Variants in TMEM117 observed in about 807,000 individuals in gnomAD.
TMEM117 encodes the protein transmembrane protein 117.
Under a neutral mutation model 52.4 loss-of-function variants are expected in TMEM117, and 27 were observed. The ratio of observed to expected loss-of-function variants is 0.51; its 90% CI spans 0.38 to 0.71. TMEM117 has a LOEUF of 0.71. Ranked by LOEUF, TMEM117 falls within the 30% of genes least tolerant of loss-of-function variation. The probability of loss-of-function intolerance (pLI) is 0.00; values close to 1 mark genes in which losing one functional copy is unlikely to be tolerated. For missense variants in TMEM117, 556 were observed against 630.5 expected, an observed-to-expected ratio of 0.88 and a Z score of 1.26; for synonymous variants, 215 against 206.3, an observed-to-expected ratio of 1.04 and a Z score of -0.36.
chr12:43,855,184 C>T (rs998672916), intron 2 of TMEM117, among the ~76,000 whole-genome samples: 1 of 152,054 alleles, frequency 6.6e-6, no homozygotes, highest in Admixed American at 6.6e-5. Context: ...AAATTAGTTA[C>T]AAAAATCAGA....
At chr12:43,812,431 T>G in the TMEM117 span, among the ~76,000 whole-genome samples, 1 of 152,224 alleles carries the variant, frequency 6.6e-6, no homozygotes, top group Non-Finnish European at 1.5e-5. Flanking sequence ...CTTTCTGTTC[T>G]TTCTCTTTAC....
downstream of TMEM117, among the ~76,000 whole-genome samples, chr12:44,393,736 C>CT (rs535240964): frequency 6.3e-4 from 96 of 152,262 alleles, no homozygotes; most frequent in African/African-American, 2.1e-3. Context: ...GCTCAAGAAT[C>CT]TAAGTCAAAT....
the TMEM117 span, among the ~76,000 whole-genome samples, chr12:43,802,088 T>C: frequency 3.3e-5 from 5 of 152,168 alleles, no homozygotes; most frequent in Admixed American, 1.3e-4. Context: ...TCAGTAATAA[T>C]TATTTTGATT....
At chr12:43,979,891 G>A (rs556167584) in intron 3 of TMEM117, among the ~76,000 whole-genome samples, 7 of 152,228 alleles carry the variant, frequency 4.6e-5, no homozygotes, top group Middle Eastern at 6.8e-3. Context: ...AACAGTGGCC[G>A]TTATTAGAAA....
intron 3 of TMEM117, among the ~76,000 whole-genome samples, chr12:43,996,739 A>G (rs993519345): frequency 2.6e-5 from 4 of 152,180 alleles, no homozygotes; most frequent in African/African-American, 9.7e-5. Flanking sequence ...TATGGTTACT[A>G]TAGGAGCAGC....
At chr12:44,227,946 T>G (rs995372047) in intron 5 of TMEM117, among the ~76,000 whole-genome samples, 1 of 152,148 alleles carries the variant, frequency 6.6e-6, no homozygotes. Flanking sequence ...AACTACTATT[T>G]TTATAGCTGA....
At chr12:44,345,035 A>G (rs563140093) in intron 6 of TMEM117, among the ~76,000 whole-genome samples, 1 of 152,134 alleles carries the variant, frequency 6.6e-6, no homozygotes, top group East Asian at 1.9e-4. Flanking sequence ...AGGGATTTCA[A>G]CTATCTGGGG....
chr12:43,889,179 T>A (rs957702659), intron 2 of TMEM117, among the ~76,000 whole-genome samples: 2 of 151,550 alleles, frequency 1.3e-5, no homozygotes, highest in Non-Finnish European at 2.9e-5. Context: ...GCCTCCCGGG[T>A]ACAAGCAATT....
intron 5 of TMEM117, among the ~76,000 whole-genome samples, chr12:44,282,506 T>C (rs1380256771): frequency 6.6e-6 from 1 of 152,220 alleles, no homozygotes; most frequent in African/African-American, 2.4e-5. Context: ...ACTCTTGTTA[T>C]GTTTTAGCAA....
chr12:44,167,909 A>G (rs1420445936), intron 4 of TMEM117, among the ~76,000 whole-genome samples: 1 of 152,096 alleles, frequency 6.6e-6, no homozygotes, highest in Non-Finnish European at 1.5e-5. Flanking sequence ...TGAAAATTCC[A>G]TATAGTTCTG....
chr12:44,225,124 A>T (rs114311106), intron 5 of TMEM117, among the ~76,000 whole-genome samples: 1 of 152,300 alleles, frequency 6.6e-6, no homozygotes, highest in African/African-American at 2.4e-5. Flanking sequence ...AATTTGGGGT[A>T]AAGAAAGGAA....
chr12:43,974,021 C>G (rs748958277), intron 3 of TMEM117, among the ~76,000 whole-genome samples: 1 of 152,150 alleles, frequency 6.6e-6, no homozygotes, highest in Non-Finnish European at 1.5e-5. Context: ...TTACTTGGCT[C>G]TTTCTGCAAA....
chr12:44,270,620 T>C (rs531088015), intron 5 of TMEM117, among the ~76,000 whole-genome samples: 45 of 152,278 alleles, frequency 3.0e-4, no homozygotes, highest in African/African-American at 1.1e-3. Flanking sequence ...TTCTCATGTC[T>C]GATTGCTCTG....
At chr12:43,848,090 G>T (rs886569126) in intron 2 of TMEM117, among the ~76,000 whole-genome samples, 1 of 152,006 alleles carries the variant, frequency 6.6e-6, no homozygotes, top group East Asian at 1.9e-4. Context: ...CACTGATAAG[G>T]GTCTAACAAA....
At chr12:43,849,468 G>T (rs1437442123) in intron 2 of TMEM117, among the ~76,000 whole-genome samples, 1 of 152,146 alleles carries the variant, frequency 6.6e-6, no homozygotes, top group African/African-American at 2.4e-5. Context: ...AAATTATTCT[G>T]TTGCAAACTT....
intron 6 of TMEM117, among the ~76,000 whole-genome samples, chr12:44,326,309 C>T (rs76381217): frequency 0.048 from 7,294 of 152,166 alleles, 358 homozygotes; most frequent in African/African-American, 0.12. Flanking sequence ...GTTCAACATA[C>T]AGTTGTTTTA....
chr12:44,336,711 G>GTT (rs1011065722), intron 6 of TMEM117, among the ~76,000 whole-genome samples: 1 of 150,654 alleles, frequency 6.6e-6, no homozygotes, highest in South Asian at 2.1e-4. Context: ...AACCATAGGG[G>GTT]TTTTTTTTTG....
At position 44,278,820 on chromosome 12, in the gene TMEM117, A is replaced by G. The variant is rs937041455; in HGVS notation, c.609-20760A>G. On this transcript the variant is annotated intron_variant, in intron 5 of 7. Transcript: ENST00000266534. ...CCCCTATCCTTTTTCTTGTCTAGGC[A>G]GATGTATCCACTTCCTCACAACACA... Among the ~76,000 whole-genome samples the G allele has an allele frequency of 3.7e-4, 57 of 152,218 alleles. 1 individual carries two copies. The highest frequency in any genetic ancestry group is 3.9e-4 in the Admixed American group (6 of 15,274).
At chr12:44,090,276 A>T (rs1947640641) in intron 3 of TMEM117, among the ~76,000 whole-genome samples, 1 of 152,030 alleles carries the variant, frequency 6.6e-6, no homozygotes, top group South Asian at 2.1e-4. Flanking sequence ...CTTGTCACTC[A>T]AGTAGTAAAC....
Sources: gnomAD v4.1 joint callset for allele counts (sites outside exome capture counted in the v4.1 genomes callset) on GRCh38, gnomAD v4.1.1 for gene constraint, MANE v1.5 for transcripts, NCBI Gene and HGNC (gene_info 2026-07-23, HGNC 2026-07-21) for gene names.